The following COG5 variants were observed in gnomAD, a reference collection of about 807,000 sequenced individuals.
COG5 encodes the protein conserved oligomeric Golgi complex subunit 5.
Under a neutral mutation model 110.4 loss-of-function variants are expected in COG5, and 86 were observed. That is an observed-to-expected ratio of 0.78 (90% CI 0.65 to 0.93). COG5 has a LOEUF of 0.93. Ranked by LOEUF, COG5 falls within the 40% of genes least tolerant of loss-of-function variation. The pLI is 0.00. For missense variants in COG5, 1,077 were observed against 987.0 expected (o/e 1.09, Z -1.22); for synonymous variants, 360 against 334.6 (o/e 1.08, Z -0.83).
chr7:107,504,352 C>T (rs903726266), intron 6 of COG5, among the ~76,000 whole-genome samples: 2 of 152,030 alleles, frequency 1.3e-5, no homozygotes, highest in Admixed American at 6.6e-5. Flanking sequence ...TAAAACCCCT[C>T]GATCACCATG....
At chr7:107,544,148 C>T (rs1259019077) in intron 5 of COG5, among the ~76,000 whole-genome samples, 1 of 152,124 alleles carries the variant, frequency 6.6e-6, no homozygotes, top group Middle Eastern at 3.2e-3. Flanking sequence ...ACCACCCTTG[C>T]AAACCCAAGC....
At chr7:107,253,645 A>C (rs1277206819) in intron 16 of COG5, among the ~76,000 whole-genome samples, 1 of 152,162 alleles carries the variant, frequency 6.6e-6, no homozygotes, top group Non-Finnish European at 1.5e-5. Context: ...ATAACATATT[A>C]GACAATGTTT....
rs192610271 is a variant in COG5, at chr7:107,216,420, A to G, written c.2169-5195T>C. Among the ~76,000 whole-genome samples the G allele has an allele frequency of 5.3e-5, 8 of 152,356 alleles. No individual in the cohort carries two copies. The East Asian group carries it at 1.3e-3, about 26-fold the overall frequency. Reference sequence around the variant, plus strand: ...AATGGACCCAACAGACATATACAGCATATTCTATCCAACAGCAAGGGAACA... The same window carrying G: ...AATGGACCCAACAGACATATACAGCGTATTCTATCCAACAGCAAGGGAACA... On this transcript the variant is annotated intron_variant, in intron 19 of 21. Transcript: ENST00000297135.
intron 6 of COG5, chr7:107,450,175 C>A: frequency 6.5e-6 from 1 of 154,562 alleles, no homozygotes; most frequent in Non-Finnish European, 1.5e-5. Context: ...AAACTGAAAT[C>A]AGCCATCCTG....
At chr7:107,404,503 C>T (rs181370624) in intron 7 of COG5, among the ~76,000 whole-genome samples, 19 of 152,188 alleles carry the variant, frequency 1.2e-4, no homozygotes, top group African/African-American at 4.6e-4. Flanking sequence ...TAAGCTGTAG[C>T]ATCTGTTCTA....
intron 6 of COG5, among the ~76,000 whole-genome samples, chr7:107,484,492 T>C (rs1333866596): frequency 1.3e-5 from 2 of 152,208 alleles, no homozygotes; most frequent in Non-Finnish European, 2.9e-5. Context: ...AGATGCTCAG[T>C]AGAAGTACAA....
At chr7:107,447,833 T>C (rs1795098515) in intron 6 of COG5, among the ~76,000 whole-genome samples, 1 of 152,208 alleles carries the variant, frequency 6.6e-6, no homozygotes, top group African/African-American at 2.4e-5. Context: ...TATAAAGTCT[T>C]CAAAAATAAC....
At chr7:107,288,942 ATATATATATATATATATATATT>A (rs1562952418) in intron 12 of COG5, among the ~76,000 whole-genome samples, 1 of 89,536 alleles carries the variant, frequency 1.1e-5, no homozygotes, top group Non-Finnish European at 2.3e-5. Flanking sequence ...ATATATATAT[ATATATATATATATATATATATT>A]TAAAAATTTA....
At chr7:107,420,170 T>A (rs534118158) in intron 6 of COG5, among the ~76,000 whole-genome samples, 1 of 152,328 alleles carries the variant, frequency 6.6e-6, no homozygotes, top group South Asian at 2.1e-4. Flanking sequence ...ACCTGTGCTT[T>A]AATTATGCTC....
At chr7:107,539,892 T>C (rs1027065390) in intron 5 of COG5, among the ~76,000 whole-genome samples, 1 of 152,090 alleles carries the variant, frequency 6.6e-6, no homozygotes, top group African/African-American at 2.4e-5. Flanking sequence ...AAAACACAGG[T>C]CTGTGATCTT....
intron 11 of COG5, among the ~76,000 whole-genome samples, chr7:107,312,295 G>A (rs1043309787): frequency 1.3e-5 from 2 of 152,144 alleles, no homozygotes; most frequent in Non-Finnish European, 2.9e-5. Context: ...TCAACAGAAC[G>A]TTATTTACTG....
At chr7:107,356,034 A>G (rs1812598197) in intron 10 of COG5, among the ~76,000 whole-genome samples, 1 of 152,222 alleles carries the variant, frequency 6.6e-6, no homozygotes, top group Admixed American at 6.5e-5. Context: ...TCTGCTCAAT[A>G]TTTTGTAAAC....
At chr7:107,452,162 A>G (rs549063748) in intron 6 of COG5, among the ~76,000 whole-genome samples, 9 of 152,164 alleles carry the variant, frequency 5.9e-5, no homozygotes, top group South Asian at 2.1e-4. Context: ...TCTTATCACC[A>G]TGAACTCTTG....
chr7:107,258,637 A>T (rs1803076067), intron 14 of COG5: 7 of 525,470 alleles, frequency 1.3e-5, no homozygotes, highest in Non-Finnish European at 2.0e-5. Flanking sequence ...GCACGGGAAG[A>T]ACAGCTCCAT....
intron 11 of COG5, among the ~76,000 whole-genome samples, chr7:107,318,680 T>C (rs377386031): frequency 2.0e-5 from 3 of 152,196 alleles, no homozygotes; most frequent in South Asian, 2.1e-4. Flanking sequence ...TGACCTTTCC[T>C]TGTGCCTGTG....
chr7:107,395,303 G>C (rs1790904441), intron 7 of COG5, among the ~76,000 whole-genome samples: 5 of 151,972 alleles, frequency 3.3e-5, no homozygotes, highest in Admixed American at 3.3e-4. Flanking sequence ...GATAGGGAGG[G>C]AGAAGTAAAG....
chr7:107,232,661 T>C (rs974089121), intron 18 of COG5, among the ~76,000 whole-genome samples: 2 of 152,212 alleles, frequency 1.3e-5, no homozygotes, highest in African/African-American at 2.4e-5. Flanking sequence ...ATGTTTAATG[T>C]TTAAAATAAA....
intron 5 of COG5, 139 bp from the exon 6 acceptor site, chr7:107,527,496 A>G (rs768530170): frequency 1.5e-5 from 13 of 856,310 alleles, no homozygotes; most frequent in East Asian, 2.8e-5. Context: ...AAACCTGCAC[A>G]TGTATCCCGG....
At chr7:107,479,405 A>G (rs1797184302) in intron 6 of COG5, among the ~76,000 whole-genome samples, 1 of 152,138 alleles carries the variant, frequency 6.6e-6, no homozygotes, top group Non-Finnish European at 1.5e-5. Context: ...AAGCAGCAAT[A>G]CACAGAATTG....
Sources: allele counts gnomAD v4.1 joint callset (sites outside exome capture counted in the v4.1 genomes callset), GRCh38; gene constraint gnomAD v4.1.1; transcripts MANE v1.5; gene names NCBI Gene and HGNC (gene_info 2026-07-23, HGNC 2026-07-21).